The following COL4A4 variants were observed in gnomAD, a reference collection of about 807,000 sequenced individuals.
COL4A4 encodes collagen type IV alpha 4 chain.
Under a neutral mutation model 192.9 loss-of-function variants are expected in COL4A4, and 105 were observed. That is an observed-to-expected ratio of 0.54 (90% CI 0.46 to 0.64). COL4A4 has a LOEUF of 0.64. Ranked by LOEUF, COL4A4 falls within the 30% of genes least tolerant of loss-of-function variation. The pLI, the probability that COL4A4 is intolerant of heterozygous loss-of-function variation, is 0.00. For synonymous variants in COL4A4, 762 were observed against 769.9 expected, an observed-to-expected ratio of 0.99 and a Z score of 0.17; for missense variants, 1,967 against 2,169.3, an observed-to-expected ratio of 0.91 and a Z score of 1.85.
In COL4A4 at chr2:227,012,277, G is replaced by T; in HGVS notation, c.4237C>A (p.Leu1413Met). The part of the protein sequence containing the change: ...SGPGCKGEPG[L>M]DGRRGVDGVP... The stretch of plus-strand genomic sequence containing the variant: ...CCATCCACACCCCTCCTGCCATCCA[G>T]CCCAGGCTCTCCTTTGCACCCTGCA... The change falls in exon 45 of 48, where the codon CTG becomes ATG. Residue 1413 changes from leucine (L) to methionine (M), a missense_variant. Transcript: ENST00000396625. 6.2e-7 allele frequency: 1 copy of T among 1,614,024 alleles called. No homozygotes were observed. The highest frequency in any genetic ancestry group is 8.5e-7 in the Non-Finnish European group (1 of 1,179,958).
the COL4A4 span, among the ~76,000 whole-genome samples, chr2:226,971,524 T>C: frequency 6.6e-6 from 1 of 152,228 alleles, no homozygotes; most frequent in African/African-American, 2.4e-5. Context: ...GACTACCAGC[T>C]TATTTGACTT....
At chr2:227,080,012 C>T (rs569127035) in intron 24 of COL4A4, among the ~76,000 whole-genome samples, 3 of 152,232 alleles carry the variant, frequency 2.0e-5, no homozygotes, top group South Asian at 2.1e-4. Flanking sequence ...TGGGTTTGCA[C>T]GAGTTCACCC....
chr2:227,118,176 A>G (rs1461695399), intron 7 of COL4A4, among the ~76,000 whole-genome samples: 1 of 152,088 alleles, frequency 6.6e-6, no homozygotes, highest in Non-Finnish European at 1.5e-5. Flanking sequence ...GTGTGGTCCT[A>G]AGTTTTACTC....
chr2:227,144,547 A>G lies in COL4A4; in HGVS notation c.83T>C (p.Leu28Pro). ...TACATATTGTACAGAAAAGAGAATG[A>G]GTATAAGTGACCTACAGAAAAACAA... Reference protein sequence around the residue: ...SLATGPWSLILILFSVQYVYG... With the variant: ...SLATGPWSLIPILFSVQYVYG... Residue 28 changes from leucine to proline, a missense_variant, in exon 3 of 48, where the codon CTC (leucine) becomes CCC (proline). By Grantham distance (98) the Leu-to-Pro change is moderately conservative (BLOSUM62 -3). Transcript: ENST00000396625. The G allele has an allele frequency of 1.2e-6, 2 of 1,608,558 alleles. No homozygotes were observed. The highest frequency in any genetic ancestry group is 1.7e-4 in the Middle Eastern group (1 of 6,048).
intron 19 of COL4A4, among the ~76,000 whole-genome samples, chr2:227,098,194 T>G (rs2060308063): frequency 6.6e-6 from 1 of 152,156 alleles, no homozygotes; most frequent in South Asian, 2.1e-4. Flanking sequence ...ATGCAGGAGA[T>G]TTAAGCAAGG....
intron 4 of COL4A4, among the ~76,000 whole-genome samples, chr2:227,131,399 C>T (rs1384815337): frequency 6.6e-6 from 1 of 152,134 alleles, no homozygotes. Context: ...TCATGATCCA[C>T]CCACCTTGGC....
chr2:227,155,259 T>A (rs1383324720), intron 1 of COL4A4, among the ~76,000 whole-genome samples: 4 of 151,876 alleles, frequency 2.6e-5, no homozygotes, highest in African/African-American at 9.7e-5. Context: ...GGAGTTGAGT[T>A]TGTTAGTGCA....
chr2:227,111,703 C>G lies in COL4A4; in HGVS notation c.569G>C (p.Gly190Ala). The G allele has an allele frequency of 6.2e-7, 1 of 1,614,060 alleles. No individual in the cohort carries two copies. Among genetic ancestry groups the G allele is most frequent in the African/African-American group, 1.3e-5 (1 of 75,042 alleles). Residue 190 changes from glycine to alanine, a missense_variant, in exon 9 of 48, where the codon GGG becomes GCG. Coordinates refer to ENST00000396625, the MANE Select transcript of COL4A4 (RefSeq NM_000092.5). The part of the protein sequence containing the change: ...GAVKGIQGDR[G>A]DPGLPGLPGS... ...TGGTAAGCCAGGCAGTCCTGGGTCCCCTCTGTCTCCCTGCAAAAATAAGAA... is the reference window on the plus strand; with the variant it reads ...TGGTAAGCCAGGCAGTCCTGGGTCCGCTCTGTCTCCCTGCAAAAATAAGAA...
At chr2:227,059,294 A>T in intron 28 of COL4A4, 111 bp downstream of exon 28, 1 of 925,182 alleles carries the variant, frequency 1.1e-6, no homozygotes, top group South Asian at 1.3e-5. Flanking sequence ...ACACTTGGGT[A>T]AACTGTTTAT....
intron 1 of COL4A4, among the ~76,000 whole-genome samples, chr2:227,153,254 C>T (rs2064086924): frequency 6.6e-6 from 1 of 152,138 alleles, no homozygotes; most frequent in Non-Finnish European, 1.5e-5. Flanking sequence ...TGGGTGGAGA[C>T]ACAGCCAAAC....
chr2:226,974,011 C>T, the COL4A4 span, among the ~76,000 whole-genome samples: 7 of 152,142 alleles, frequency 4.6e-5, no homozygotes, highest in Non-Finnish European at 1.0e-4. Context: ...TGCCCCTCAC[C>T]GCCTTTCCAC....
In COL4A4 at chr2:227,083,003, C is replaced by T. The variant is rs143074065; in HGVS notation, c.1624-816G>A. ...CAGCATTTTGAGAGGCCAAGGAAGG[C>T]GGATCACTTGAGGCCAAGAGTTCGA... On this transcript the variant is annotated intron_variant, in intron 22 of 47. Coordinates refer to ENST00000396625, the MANE Select transcript of COL4A4 (RefSeq NM_000092.5). 5.5e-3 allele frequency among the ~76,000 whole-genome samples: 839 copies of T among 152,166 alleles called. 6 individuals are homozygous for T. The highest frequency in any genetic ancestry group is 9.5e-3 in the Non-Finnish European group (643 of 68,010).
At position 227,077,495 on chromosome 2, in the gene COL4A4, G is replaced by A. The variant is rs930821949; in HGVS notation, c.1987+399C>T. ...ATCACATAATATCGAGACCTGTCAG[G>A]GGGTCAGGGGTAAGGGGAAGGAGAG... On this transcript the variant is annotated intron_variant, in intron 25 of 47. Coordinates refer to ENST00000396625, the MANE Select transcript of COL4A4 (RefSeq NM_000092.5). Among the ~76,000 whole-genome samples the A allele has an allele frequency of 7.9e-5, 12 of 152,108 alleles. No homozygotes were observed. In the South Asian group the frequency reaches 1.0e-3, roughly 13 times the overall value.
chr2:227,107,392 G>A (rs1190344600), intron 12 of COL4A4, among the ~76,000 whole-genome samples: 1 of 152,148 alleles, frequency 6.6e-6, no homozygotes, highest in Admixed American at 6.5e-5. Context: ...CCCTCTCTGT[G>A]TATATTTTAA....
At chr2:226,986,330 T>G in the COL4A4 span, among the ~76,000 whole-genome samples, 5 of 152,198 alleles carry the variant, frequency 3.3e-5, no homozygotes, top group Admixed American at 2.6e-4. Context: ...TGTCTGGAAT[T>G]TAGTTCAGAG....
intron 44 of COL4A4, among the ~76,000 whole-genome samples, chr2:227,018,779 G>A (rs1200807338): frequency 6.6e-6 from 1 of 152,146 alleles, no homozygotes; most frequent in African/African-American, 2.4e-5. Flanking sequence ...AGGAACCCAG[G>A]GAAGGCCCTC....
intron 44 of COL4A4, among the ~76,000 whole-genome samples, chr2:227,019,840 T>C (rs1965637603): frequency 6.6e-6 from 1 of 152,222 alleles, no homozygotes; most frequent in Non-Finnish European, 1.5e-5. Flanking sequence ...GCTAATTTTG[T>C]ATTTTAAGTA....
At chr2:227,157,515 T>G (rs1325509428) in intron 1 of COL4A4, among the ~76,000 whole-genome samples, 1 of 151,924 alleles carries the variant, frequency 6.6e-6, no homozygotes, top group African/African-American at 2.4e-5. Context: ...TAGTAGTTGG[T>G]TCTGTATACA....
At chr2:227,088,489 T>C (rs576536991) in intron 22 of COL4A4, among the ~76,000 whole-genome samples, 164 bp downstream of exon 22, 1 of 152,306 alleles carries the variant, frequency 6.6e-6, no homozygotes, top group African/African-American at 2.4e-5. Flanking sequence ...TCTGCCATGA[T>C]TGTAAGTTTC....
Sources: gnomAD v4.1 joint callset for allele counts (sites outside exome capture counted in the v4.1 genomes callset) on GRCh38, gnomAD v4.1.1 for gene constraint, MANE v1.5 for transcripts, NCBI Gene and HGNC (gene_info 2026-07-23, HGNC 2026-07-21) for gene names.